Variants in MDK observed in about 807,000 individuals in gnomAD.
The protein encoded by MDK is midkine, also known as amphiregulin-associated protein.
A neutral mutation model predicts 18.9 loss-of-function variants in MDK; 17 were observed. The observed-to-expected ratio is 0.90, with a 90% CI of 0.62 to 1.35. The LOEUF is 1.35. MDK is among the 40% of genes most tolerant of loss of function. The pLI is 0.00. For synonymous variants in MDK, 86 were observed against 74.3 expected (o/e 1.16, Z -0.81); for missense variants, 180 against 186.3 (o/e 0.97, Z 0.20).
Position 46,382,872 on chromosome 11 carries a change from C to T in MDK, c.406+124C>T, listed in dbSNP as rs189827223. On this transcript the variant is annotated intron_variant, in intron 4 of 4. Coordinates refer to ENST00000395566, the MANE Select transcript of MDK (RefSeq NM_002391.6). Reference sequence around the variant, plus strand: ...GTCCTGGCCAGTGGCTTCCTGACATCGCCTCACTTGGCTTCCCTGCCTGGA... The same window carrying T: ...GTCCTGGCCAGTGGCTTCCTGACATTGCCTCACTTGGCTTCCCTGCCTGGA... 75 of 1,145,156 alleles carry T rather than the reference C, an allele frequency of 6.5e-5. No homozygotes were observed. The East Asian group carries it at 1.9e-3, about 28-fold the overall frequency. 70.9% of individuals were successfully genotyped at this position (1,145,156 alleles called of 1,614,324 possible). A position where few individuals can be genotyped will look rare whatever the true frequency, so the allele number is the denominator to read the frequency against.
In MDK at chr11:46,382,041, C is replaced by CGG; in HGVS notation, c.-1-14_-1-13dup. 6.3e-7 allele frequency: 1 copy of CGG among 1,597,050 alleles called. No individual in the cohort carries two copies. On this transcript the variant is annotated splice_polypyrimidine_tract_variant and intron_variant, in intron 1 of 4. Coordinates refer to ENST00000395566, the MANE Select transcript of MDK (RefSeq NM_002391.6). Reference sequence around the variant, plus strand: ...AGGGGACGGGCCAGGGATTCAGACTCGGGCTCTCCCCTCAGGATGCAGCAC... The same window carrying CGG: ...AGGGGACGGGCCAGGGATTCAGACTCGGGGGCTCTCCCCTCAGGATGCAGCAC...
chr11:46,381,688 A>T lies in MDK; in HGVS notation c.-72A>T. 1 of 151,692 alleles carries T rather than the reference A, an allele frequency of 6.6e-6. No individual in the cohort carries two copies. Among genetic ancestry groups the T allele is most frequent in the African/African-American group, 2.5e-5 (1 of 39,914 alleles). The allele number at this position is 151,692 out of a possible 1,614,324, so 9.4% of individuals were successfully genotyped here. On this transcript the variant is annotated 5_prime_UTR_variant, in exon 1 of 5. Transcript: ENST00000395566. ...CGGCTCAGACCGGTTCTGGAGACAAAAGGGGCCGCGGCGGCCGGAGCGGGA... is the reference window on the plus strand; with the variant it reads ...CGGCTCAGACCGGTTCTGGAGACAATAGGGGCCGCGGCGGCCGGAGCGGGA...
chr11:46,383,019 G>T, intron 4 of MDK: 1 of 538,496 alleles, frequency 1.9e-6, no homozygotes, highest in Non-Finnish European at 3.3e-6. Context: ...AGGACCCAGG[G>T]AGAGTGTCCT....
At chr11:46,382,914 CACT>C (rs1248924734) in intron 4 of MDK, 166 bp downstream of exon 4, 12 of 805,072 alleles carry the variant, frequency 1.5e-5, no homozygotes, top group East Asian at 2.7e-5. Context: ...TGAAGATGGG[CACT>C]ACAAGAGAGG....
At chr11:46,382,792 C>CA in intron 4 of MDK, 44 bp downstream of exon 4, 2 of 183,484 alleles carry the variant, frequency 1.1e-5, no homozygotes, top group Non-Finnish European at 8.6e-6. Context: ...GGGGGGCTGC[C>CA]CCCCCCCCCC....
Position 46,382,685 on chromosome 11 carries a change from C to T in MDK, c.343C>T (p.Gln115Ter), listed in dbSNP as rs1477937665. The change falls in exon 4 of 5, where the codon CAG becomes TAG. Residue 115 changes from glutamine (Q) to a stop codon, truncating the protein, a stop_gained. Transcript: ENST00000395566. LOFTEE classifies it high-confidence loss of function. The part of the protein sequence containing the change: ...GTLKKARYNA[Q>*]CQETIRVTKP... ...CCTGAAGAAGGCGCGCTACAATGCT[C>T]AGTGCCAGGAGACCATCCGCGTCAC... 2.5e-6 allele frequency: 4 copies of T among 1,612,572 alleles called. No homozygotes were observed. The highest frequency in any genetic ancestry group is 3.4e-6 in the Non-Finnish European group (4 of 1,179,876).
At chr11:46,381,607 G>A, upstream of MDK, 1 of 139,486 alleles carries the variant, frequency 7.2e-6, no homozygotes, top group African/African-American at 2.6e-5. Context: ...GAGGGGAGGG[G>A]GCGGGGCGGG....
rs1359106117 is a variant in MDK, at chr11:46,382,563, T to TGACC, written c.245-23_245-20dup. On this transcript the variant is annotated intron_variant, in intron 3 of 4. Transcript: ENST00000395566. ...GGCGGGGCCGCGGGCCGCGCAGCGC[T>TGACC]GACCTGGGCCGCTCTCTCGCCAGCC... The TGACC allele has an allele frequency of 3.8e-6, 6 of 1,592,642 alleles. No homozygotes were observed. The African/African-American group carries it at 8.1e-5, about 21-fold the overall frequency.
intron 4 of MDK, chr11:46,383,069 C>T (rs1436628864): frequency 4.2e-6 from 2 of 470,606 alleles, no homozygotes; most frequent in African/African-American, 3.9e-5. Context: ...CCACGGGCAG[C>T]ATTTGGTCAG....
chr11:46,382,262 C>T (rs757452961), intron 2 of MDK, 32 bp from the exon 3 acceptor site: 11 of 1,602,108 alleles, frequency 6.9e-6, no homozygotes, highest in Admixed American at 1.7e-5. Flanking sequence ...CCCCGTGCCC[C>T]AGTCCTGAAC....
intron 1 of MDK, 63 bp from the exon 2 acceptor site, chr11:46,381,994 T>A: frequency 6.6e-7 from 1 of 1,516,606 alleles, no homozygotes; most frequent in Non-Finnish European, 8.9e-7. Context: ...GGGAGGGCCC[T>A]GCACGCGGCC....
chr11:46,381,348 G>A (rs2136535476), upstream of MDK: 1 of 153,054 alleles, frequency 6.5e-6, no homozygotes, highest in East Asian at 2.0e-4. Context: ...GGGACGACCT[G>A]GGATGGGGGC....
At chr11:46,382,031 G>A in intron 1 of MDK, 26 bp from the exon 2 acceptor site, 2 of 1,586,704 alleles carry the variant, frequency 1.3e-6, no homozygotes, top group South Asian at 2.3e-5. Flanking sequence ...ACGGGCCAGG[G>A]ATTCAGACTC....
chr11:46,382,799 C>CG, intron 4 of MDK, 51 bp downstream of exon 4: 2 of 1,517,088 alleles, frequency 1.3e-6, no homozygotes, highest in South Asian at 1.2e-5. Flanking sequence ...TGCCCCCCCC[C>CG]CCCCCCGCCT....
chr11:46,381,955 G>A, intron 1 of MDK, 102 bp from the exon 2 acceptor site: 1 of 1,272,170 alleles, frequency 7.9e-7, no homozygotes. Flanking sequence ...AGCCCGACTT[G>A]GGGCCTGGAA....
chr11:46,382,957 C>T (rs907975783), intron 4 of MDK: 2 of 625,718 alleles, frequency 3.2e-6, no homozygotes, highest in Non-Finnish European at 5.6e-6. Flanking sequence ...CATAAATCCT[C>T]CCTGGCCCAA....
chr11:46,381,683 G>A lies in MDK; in HGVS notation c.-77G>A, dbSNP rs1208919745. 4.5e-5 allele frequency: 7 copies of A among 157,188 alleles called. No individual in the cohort carries two copies. Among genetic ancestry groups the A allele is most frequent in the Non-Finnish European group, 6.9e-5 (5 of 72,228 alleles). The allele number at this position is 157,188 out of a possible 1,614,324, so 9.7% of individuals were successfully genotyped here. On this transcript the variant is annotated 5_prime_UTR_variant, in exon 1 of 5. Coordinates refer to ENST00000395566, the MANE Select transcript of MDK (RefSeq NM_002391.6). ...GTGACCGGCTCAGACCGGTTCTGGA[G>A]ACAAAAGGGGCCGCGGCGGCCGGAG...
upstream of MDK, chr11:46,381,579 C>CGGGGGCGGTGCGGGTTTGAGGGGA (rs1270634168): frequency 8.4e-5 from 5 of 59,782 alleles, no homozygotes; most frequent in African/African-American, 2.6e-4. Flanking sequence ...ACGCCGGGGT[C>CGGGGGCGGTGCGGGTTTGAGGGGA]GGGGGCGGTG....
At chr11:46,382,790 G>GGGGGGGGGGCCCCCC in intron 4 of MDK, 42 bp downstream of exon 4, 1 of 985,982 alleles carries the variant, frequency 1.0e-6, no homozygotes, top group Non-Finnish European at 1.3e-6. Context: ...GCGGGGGGCT[G>GGGGGGGGGGCCCCCC]CCCCCCCCCC....
Sources: allele counts gnomAD v4.1 joint callset, GRCh38; gene constraint gnomAD v4.1.1; transcripts MANE v1.5; gene names NCBI Gene and HGNC (gene_info 2026-07-23, HGNC 2026-07-21).